DIP2C: variants seen among roughly 807,000 people sequenced by gnomAD.
DIP2C encodes the protein DIP2 acetate--CoA ligase C (putative).
In DIP2C, 33 loss-of-function variants were observed where a neutral mutation model predicts 192.4. The observed-to-expected ratio is 0.17, with a 90% CI of 0.13 to 0.23. The LOEUF (loss-of-function observed/expected upper bound fraction) is 0.23. Among genes scored for constraint, DIP2C ranks in the 10% least tolerant of loss-of-function variants. The probability of loss-of-function intolerance (pLI) is 1.00; values close to 1 mark genes in which losing one functional copy is unlikely to be tolerated. For missense variants in DIP2C, 1,537 were observed against 2,110.1 expected (o/e 0.73, Z 5.32); for synonymous variants, 979 against 864.1 (o/e 1.13, Z -2.33).
intron 28 of DIP2C, among the ~76,000 whole-genome samples, chr10:341,627 C>G (rs116631056): frequency 0.016 from 2,373 of 152,320 alleles, 60 homozygotes; most frequent in African/African-American, 0.054. Context: ...ATGCATGGGA[C>G]TTCATACCCA....
At chr10:377,006 T>C (rs1249407628) in intron 17 of DIP2C, among the ~76,000 whole-genome samples, 1 of 152,132 alleles carries the variant, frequency 6.6e-6, no homozygotes. Flanking sequence ...AAGTTATGAG[T>C]TGATTTAATG....
intron 29 of DIP2C, among the ~76,000 whole-genome samples, chr10:337,800 C>CGTGTGTTGTGGAGGCCTAGGCTGATGTGT (rs749822515): frequency 8.2e-6 from 1 of 122,548 alleles, no homozygotes; most frequent in African/African-American, 3.4e-5. Context: ...TGTGTGTGCA[C>CGTGTGTTGTGGAGGCCTAGGCTGATGTGT]GTGTGTCGTG....
At chr10:502,914 A>T (rs1375848463) in intron 1 of DIP2C, among the ~76,000 whole-genome samples, 1 of 152,038 alleles carries the variant, frequency 6.6e-6, no homozygotes, top group Non-Finnish European at 1.5e-5. Flanking sequence ...ACTTACCACA[A>T]CTCCAACATA....
intron 3 of DIP2C, among the ~76,000 whole-genome samples, chr10:443,053 A>AC (rs1292557629): frequency 1.3e-5 from 2 of 152,208 alleles, no homozygotes; most frequent in Non-Finnish European, 2.9e-5. Flanking sequence ...TAGCAGGGAT[A>AC]CCGCAGAAGT....
intron 1 of DIP2C, among the ~76,000 whole-genome samples, chr10:577,808 C>A (rs986133567): frequency 6.7e-6 from 1 of 148,480 alleles, no homozygotes; most frequent in Non-Finnish European, 1.5e-5. Context: ...TGTTTTGTTT[C>A]TTTTGTTTTT....
intron 3 of DIP2C, among the ~76,000 whole-genome samples, chr10:445,639 ACT>A (rs1968120798): frequency 1.4e-5 from 2 of 140,462 alleles, no homozygotes; most frequent in African/African-American, 6.3e-5. Flanking sequence ...TCTATCTTGC[ACT>A]GGGCATCTGT....
At chr10:658,116 C>CCTGGACCTGCCG (rs1856509783) in intron 1 of DIP2C, among the ~76,000 whole-genome samples, 2 of 146,142 alleles carry the variant, frequency 1.4e-5, no homozygotes, top group Non-Finnish European at 1.5e-5. Context: ...TGGACCTGCC[C>CCTGGACCTGCCG]CTGGACCTGC....
At chr10:551,189 C>T (rs985374574) in intron 1 of DIP2C, among the ~76,000 whole-genome samples, 9 of 152,340 alleles carry the variant, frequency 5.9e-5, no homozygotes, top group Non-Finnish European at 8.8e-5. Context: ...TTGCAGGTCT[C>T]GGCTCTGCTG....
intron 1 of DIP2C, among the ~76,000 whole-genome samples, chr10:634,118 T>C (rs1588644836): frequency 6.6e-6 from 1 of 152,154 alleles, no homozygotes; most frequent in African/African-American, 2.4e-5. Context: ...TGAAGCCTAA[T>C]CATCAGAAAG....
chr10:433,421 A>G (rs1167541161), intron 4 of DIP2C, among the ~76,000 whole-genome samples: 1 of 152,216 alleles, frequency 6.6e-6, no homozygotes, highest in African/African-American at 2.4e-5. Flanking sequence ...TCATGCCTGT[A>G]ATCCCAGCAC....
intron 24 of DIP2C, among the ~76,000 whole-genome samples, chr10:353,661 G>A (rs1052642892): frequency 1.1e-4 from 17 of 152,324 alleles, no homozygotes; most frequent in Non-Finnish European, 1.6e-4. Context: ...TTGCAGGCGT[G>A]AGCCATGGTG....
In DIP2C at chr10:366,403, A is replaced by T; in HGVS notation, c.2140T>A (p.Cys714Ser). The T allele has an allele frequency of 6.2e-7, 1 of 1,614,234 alleles. No individual in the cohort carries two copies. Among genetic ancestry groups the T allele is most frequent in the African/African-American group, 1.3e-5 (1 of 75,056 alleles). ...GGAACCCCGTCTGGCTTCACTGAAC[A>T]CATGATGGCTAAAAGCAAACAGGAA... ...VGLVMPGAIM[C>S]SVKPDGVPQL... Residue 714 changes from cysteine to serine, a missense_variant, in exon 19 of 37, where the codon TGT becomes AGT. Cys to Ser is a moderately radical substitution (Grantham distance 112). Coordinates refer to ENST00000280886, the MANE Select transcript of DIP2C (RefSeq NM_014974.3).
intron 25 of DIP2C, 45 bp downstream of exon 25, chr10:349,286 G>A: frequency 1.3e-6 from 2 of 1,583,156 alleles, no homozygotes; most frequent in East Asian, 2.3e-5. Context: ...CACCGCGGCT[G>A]ACCGGCTTGC....
intron 1 of DIP2C, among the ~76,000 whole-genome samples, chr10:605,129 G>C (rs1014180863): frequency 2.0e-5 from 3 of 152,200 alleles, no homozygotes; most frequent in African/African-American, 7.2e-5. Flanking sequence ...CCGCGATGCC[G>C]TGAGCGCAGC....
intron 1 of DIP2C, among the ~76,000 whole-genome samples, chr10:488,688 C>T (rs1844197625): frequency 6.6e-6 from 1 of 152,236 alleles, no homozygotes; most frequent in Non-Finnish European, 1.5e-5. Flanking sequence ...TGCCCTCTCC[C>T]AGCCCCTGCC....
chr10:465,170 A>C (rs1451272310), intron 3 of DIP2C, among the ~76,000 whole-genome samples: 1 of 134,662 alleles, frequency 7.4e-6, no homozygotes, highest in Non-Finnish European at 1.6e-5. Context: ...CCAGCAGCAC[A>C]TCAAAAAGCT....
intron 1 of DIP2C, among the ~76,000 whole-genome samples, chr10:660,083 G>A (rs1206319872): frequency 2.0e-5 from 3 of 152,348 alleles, no homozygotes; most frequent in African/African-American, 4.8e-5. Context: ...AGAGCAGGTC[G>A]CTCAGCCCAG....
chr10:603,334 C>CAAAAAAAAAAAA (rs1491589258), intron 1 of DIP2C, among the ~76,000 whole-genome samples: 1 of 72,770 alleles, frequency 1.4e-5, no homozygotes, highest in African/African-American at 7.9e-5. Context: ...AAAAAAAAAA[C>CAAAAAAAAAAAA]CAACCATGAG....
intron 1 of DIP2C, among the ~76,000 whole-genome samples, chr10:546,439 G>GAC (rs1301377770): frequency 6.6e-6 from 1 of 152,186 alleles, no homozygotes; most frequent in Non-Finnish European, 1.5e-5. Flanking sequence ...CTGCACCTCG[G>GAC]ACAGCAGGGT....
Sources: allele counts gnomAD v4.1 joint callset (sites outside exome capture counted in the v4.1 genomes callset), GRCh38; gene constraint gnomAD v4.1.1; transcripts MANE v1.5; gene names NCBI Gene and HGNC (gene_info 2026-07-23, HGNC 2026-07-21).